The following ACOT7 variants were observed in gnomAD, a reference collection of about 807,000 sequenced individuals.
The protein encoded by ACOT7 is acyl-CoA thioesterase 7.
In ACOT7, 12 loss-of-function variants were observed where a neutral mutation model predicts 40.2. The observed-to-expected ratio is 0.30, with a 90% CI of 0.19 to 0.48. The LOEUF (loss-of-function observed/expected upper bound fraction) is 0.48. Ranked by LOEUF, ACOT7 falls within the 20% of genes least tolerant of loss-of-function variation. The probability of loss-of-function intolerance (pLI) is 0.99; values close to 1 mark genes in which losing one functional copy is unlikely to be tolerated. For synonymous variants in ACOT7, 228 were observed against 219.5 expected (o/e 1.04, Z -0.34); for missense variants, 395 against 530.8 (o/e 0.74, Z 2.51).
intron 2 of ACOT7, among the ~76,000 whole-genome samples, chr1:6,342,155 G>A (rs1222707813): frequency 1.3e-5 from 2 of 152,200 alleles, no homozygotes; most frequent in Non-Finnish European, 2.9e-5. Flanking sequence ...ATCAGGGACG[G>A]GCAGATTCCA....
At chr1:6,268,024 C>T (rs570791981) in intron 8 of ACOT7, among the ~76,000 whole-genome samples, 8 of 152,322 alleles carry the variant, frequency 5.3e-5, no homozygotes, top group African/African-American at 9.6e-5. Flanking sequence ...CCCATTTACA[C>T]GAGATGTCCA....
intron 1 of ACOT7, among the ~76,000 whole-genome samples, chr1:6,375,843 C>G (rs562436200): frequency 1.3e-5 from 2 of 151,148 alleles, no homozygotes; most frequent in African/African-American, 4.9e-5. Flanking sequence ...GAGGCCGAGA[C>G]AGAAGAATGG....
At chr1:6,316,067 C>T (rs746467373) in intron 6 of ACOT7, among the ~76,000 whole-genome samples, 2 of 152,080 alleles carry the variant, frequency 1.3e-5, no homozygotes, top group African/African-American at 2.4e-5. Flanking sequence ...ACGTAGACAG[C>T]GACGACGGAA....
At chr1:6,328,351 A>C (rs1211572917) in intron 4 of ACOT7, among the ~76,000 whole-genome samples, 3 of 152,136 alleles carry the variant, frequency 2.0e-5, no homozygotes, top group East Asian at 3.9e-4. Flanking sequence ...AGAAGTTAAA[A>C]ATAAATGTGA....
At chr1:6,365,902 A>T (rs888846613) in intron 1 of ACOT7, among the ~76,000 whole-genome samples, 41 of 144,668 alleles carry the variant, frequency 2.8e-4, no homozygotes, top group African/African-American at 8.8e-4. Flanking sequence ...TTTGGGGTTT[A>T]TTTTTTTTTT....
At chr1:6,389,787 A>G (rs976240777) in intron 1 of ACOT7, among the ~76,000 whole-genome samples, 20 of 151,858 alleles carry the variant, frequency 1.3e-4, no homozygotes, top group Admixed American at 3.3e-4. Flanking sequence ...AAAAAAAAAA[A>G]AAAGAAAGAA....
chr1:6,355,038 T>C lies in ACOT7; in HGVS notation c.144-5172A>G, dbSNP rs906850049. On this transcript the variant is annotated intron_variant, in intron 1 of 8. Transcript: ENST00000361521. This position sits in a 1 kb window ranked among gnomAD's most constrained non-coding sequence, Gnocchi z 5.0. ...TCTGGAGCTCTCAGGGATTGGGAAC[T>C]TTTCCGCCTCAACTCTCACTGCCCT... 2.0e-5 allele frequency among the ~76,000 whole-genome samples: 3 copies of C among 152,084 alleles called. No individual in the cohort carries two copies. The highest frequency in any genetic ancestry group is 7.2e-5 in the African/African-American group (3 of 41,398).
At chr1:6,300,532 C>T (rs1165705259) in intron 6 of ACOT7, among the ~76,000 whole-genome samples, 5 of 150,030 alleles carry the variant, frequency 3.3e-5, no homozygotes, top group Non-Finnish European at 7.4e-5. Flanking sequence ...GCCCTCTCCA[C>T]AAACACAGAA....
intron 6 of ACOT7, among the ~76,000 whole-genome samples, chr1:6,308,403 G>A (rs1196409386): frequency 6.6e-6 from 1 of 151,678 alleles, no homozygotes; most frequent in African/African-American, 2.4e-5. Flanking sequence ...CAACCGGGCA[G>A]AGGGAACCAC....
intron 1 of ACOT7, among the ~76,000 whole-genome samples, chr1:6,370,155 CCTTCTCTCTCA>C (rs1432660034): frequency 6.6e-6 from 1 of 152,128 alleles, no homozygotes; most frequent in African/African-American, 2.4e-5. Context: ...CTGGCACCTC[CCTTCTCTCTCA>C]CTTCTCTGGC....
In ACOT7 at chr1:6,280,493, C is replaced by A. The variant is rs1639323511; in HGVS notation, c.1014+609G>T. 4.6e-5 allele frequency among the ~76,000 whole-genome samples: 7 copies of A among 152,346 alleles called. No individual in the cohort carries two copies. In the South Asian group the frequency reaches 1.2e-3, roughly 27 times the overall value. ...GGATGTGGACACCTGGGGGCAGCAG[C>A]CCCTGTGAACGAGTGCGTGTGGCCT... On this transcript the variant is annotated intron_variant, in intron 8 of 8. Transcript: ENST00000361521.
intron 2 of ACOT7, 28 bp downstream of exon 2, chr1:6,349,721 C>T (rs768373241): frequency 6.2e-7 from 1 of 1,601,242 alleles, no homozygotes; most frequent in Non-Finnish European, 8.5e-7. Context: ...GCCTCCAGGG[C>T]CCAGAGGTAT....
chr1:6,339,323 A>T lies in ACOT7; in HGVS notation c.418+110T>A. 8 of 1,484,656 alleles carry T rather than the reference A, an allele frequency of 5.4e-6. No individual in the cohort carries two copies. The South Asian group carries it at 9.5e-5, about 18-fold the overall frequency. The allele number at this position is 1,484,656 out of a possible 1,614,324, so 92.0% of individuals were successfully genotyped here. On this transcript the variant is annotated intron_variant, in intron 3 of 8. Coordinates refer to ENST00000361521, the MANE Select transcript of ACOT7 (RefSeq NM_007274.4). ...CATGGTGGGAGGTGAGAGAGGTCTC[A>T]TTGGTGGAAAAGGGGCCAGGCCCTG...
intron 4 of ACOT7, among the ~76,000 whole-genome samples, chr1:6,328,848 C>A (rs910866056): frequency 6.6e-6 from 1 of 150,830 alleles, no homozygotes; most frequent in Non-Finnish European, 1.5e-5. Flanking sequence ...CGGATGGGAC[C>A]CTCGGAGGGG....
At chr1:6,296,195 T>C (rs1196866031) in intron 6 of ACOT7, among the ~76,000 whole-genome samples, 1 of 152,114 alleles carries the variant, frequency 6.6e-6, no homozygotes, top group Non-Finnish European at 1.5e-5. Context: ...GCCAGGCCAG[T>C]ACACTTTAAA....
intron 8 of ACOT7, among the ~76,000 whole-genome samples, chr1:6,269,274 G>A (rs551485972): frequency 6.6e-6 from 1 of 152,328 alleles, no homozygotes; most frequent in African/African-American, 2.4e-5. Flanking sequence ...TCCATGGGAA[G>A]TGAGGAAGGC....
chr1:6,339,152 A>G (rs1326946716), intron 3 of ACOT7, among the ~76,000 whole-genome samples: 1 of 151,656 alleles, frequency 6.6e-6, no homozygotes, highest in Non-Finnish European at 1.5e-5. Flanking sequence ...GGCCACGGGC[A>G]GCAGGACAGG....
At chr1:6,360,515 C>T (rs370637861) in intron 1 of ACOT7, 122 of 1,602,568 alleles carry the variant, frequency 7.6e-5, no homozygotes, top group African/African-American at 2.9e-4. Flanking sequence ...CTCCCAAACA[C>T]ACTTCCCTCC....
At chr1:6,307,032 T>A in intron 6 of ACOT7, 3 of 874,430 alleles carry the variant, frequency 3.4e-6, no homozygotes, top group Non-Finnish European at 4.7e-6. Flanking sequence ...GGCTAAGCTG[T>A]GCTGTCCCCT....
Sources: allele counts gnomAD v4.1 joint callset (sites outside exome capture counted in the v4.1 genomes callset), GRCh38; gene constraint gnomAD v4.1.1; non-coding constraint Gnocchi (gnomAD v3.1); transcripts MANE v1.5; gene names NCBI Gene and HGNC (gene_info 2026-07-23, HGNC 2026-07-21).